STXBP5L: variants seen among roughly 807,000 people sequenced by gnomAD.
The protein encoded by STXBP5L is syntaxin binding protein 5L.
STXBP5L carries 65 observed loss-of-function variants against 144.5 expected under a neutral mutation model. The ratio of observed to expected loss-of-function variants is 0.45; its 90% CI spans 0.37 to 0.55. STXBP5L has a LOEUF of 0.55. Among genes scored for constraint, STXBP5L ranks in the 20% least tolerant of loss-of-function variants. The pLI, the probability that STXBP5L is intolerant of heterozygous loss-of-function variation, is 0.00. For missense variants in STXBP5L, 1,298 were observed against 1,405.5 expected (o/e 0.92, Z 1.22); for synonymous variants, 505 against 469.6 (o/e 1.08, Z -0.97).
In STXBP5L at chr3:120,909,596, C is replaced by T. The variant is rs753025510; in HGVS notation, c.18C>T (p.Phe6=). ...TGTTTAAAATGAAGAAGTTTAATTT[C>T]CGAAAAGTTTTGGATGGCTTAACTG... The part of the protein sequence containing the change: MKKFN[F]RKVLDGLTAS... Residue 6 remains phenylalanine, a synonymous_variant, in exon 2 of 27, where the codon TTC becomes TTT. Transcript: ENST00000471454. 5.6e-6 allele frequency: 9 copies of T among 1,612,464 alleles called. No homozygotes were observed. The African/African-American group carries it at 1.2e-4, about 22-fold the overall frequency.
At chr3:121,309,636 C>T (rs2043458664) in intron 19 of STXBP5L, among the ~76,000 whole-genome samples, 1 of 151,958 alleles carries the variant, frequency 6.6e-6, no homozygotes, top group Non-Finnish European at 1.5e-5. Context: ...ATGTAGAAGA[C>T]CTCGATACCA....
chr3:121,308,741 A>G (rs1325823235), intron 19 of STXBP5L, among the ~76,000 whole-genome samples: 2 of 152,150 alleles, frequency 1.3e-5, no homozygotes, highest in Admixed American at 6.5e-5. Context: ...TTATAAATAT[A>G]TGCTTGTTCT....
At chr3:121,201,529 TA>T (rs2048138520) in intron 9 of STXBP5L, among the ~76,000 whole-genome samples, 1 of 152,218 alleles carries the variant, frequency 6.6e-6, no homozygotes, top group South Asian at 2.1e-4. Flanking sequence ...TTAATATTGT[TA>T]TGTGTGAATT....
intron 3 of STXBP5L, among the ~76,000 whole-genome samples, chr3:121,029,494 C>T (rs1411269084): frequency 6.6e-6 from 1 of 152,096 alleles, no homozygotes; most frequent in East Asian, 1.9e-4. Flanking sequence ...AAAAGTGAAA[C>T]TGGACCCTTT....
chr3:120,974,968 G>T (rs28820921), intron 3 of STXBP5L, among the ~76,000 whole-genome samples: 1 of 151,920 alleles, frequency 6.6e-6, no homozygotes, highest in South Asian at 2.1e-4. Context: ...GTTTGAAGTC[G>T]GGTAGCGTGA....
At chr3:120,909,441 A>G in intron 1 of STXBP5L, 130 bp from the exon 2 acceptor site, 2 of 758,708 alleles carry the variant, frequency 2.6e-6, no homozygotes, top group Non-Finnish European at 4.0e-6. Flanking sequence ...CTTTTTTTCC[A>G]GTCGGTCGTA....
intron 3 of STXBP5L, among the ~76,000 whole-genome samples, chr3:120,976,180 C>G (rs973164383): frequency 2.5e-4 from 38 of 151,992 alleles, no homozygotes; most frequent in African/African-American, 8.9e-4. Context: ...GTCCTGGACT[C>G]TTTTTGGTTG....
At chr3:121,050,403 G>A (rs1947876087) in intron 5 of STXBP5L, among the ~76,000 whole-genome samples, 1 of 151,910 alleles carries the variant, frequency 6.6e-6, no homozygotes, top group South Asian at 2.1e-4. Flanking sequence ...GTAAAGAGTT[G>A]TTCAGAAGAG....
intron 3 of STXBP5L, among the ~76,000 whole-genome samples, chr3:120,972,056 A>G (rs1420146534): frequency 6.6e-6 from 1 of 151,770 alleles, no homozygotes; most frequent in Non-Finnish European, 1.5e-5. Flanking sequence ...GGCTATTGGG[A>G]CATTTTTTTG....
At chr3:121,403,761 CTTAT>C (rs2046936590) in intron 22 of STXBP5L, among the ~76,000 whole-genome samples, 1 of 152,216 alleles carries the variant, frequency 6.6e-6, no homozygotes, top group African/African-American at 2.4e-5. Flanking sequence ...CAGGAAACAT[CTTAT>C]TTGACATATC....
At position 121,107,314 on chromosome 3, in the gene STXBP5L, G is replaced by A. The variant is rs201704214; in HGVS notation, c.471-7611G>A. Among the ~76,000 whole-genome samples, 4 of 152,162 alleles carry A rather than the reference G, an allele frequency of 2.6e-5. No individual in the cohort carries two copies. In the East Asian group the frequency reaches 7.7e-4, roughly 29 times the overall value. On this transcript the variant is annotated intron_variant, in intron 5 of 26. Transcript: ENST00000471454. ...CCGTGCCTATGTCCTGAATGGTATT[G>A]CCTAGATTTTCTTCCAGAGTTTTTA...
At chr3:120,965,446 TGAG>T (rs1012684470) in intron 3 of STXBP5L, among the ~76,000 whole-genome samples, 1 of 152,210 alleles carries the variant, frequency 6.6e-6, no homozygotes, top group African/African-American at 2.4e-5. Context: ...AGTGCTTCCT[TGAG>T]GAGCTCTTTT....
At chr3:121,200,606 G>C (rs1038166580) in intron 9 of STXBP5L, among the ~76,000 whole-genome samples, 1 of 152,114 alleles carries the variant, frequency 6.6e-6, no homozygotes, top group African/African-American at 2.4e-5. Context: ...GCTTTCTGAT[G>C]TGAGCATTTA....
intron 10 of STXBP5L, among the ~76,000 whole-genome samples, chr3:121,217,216 TGCC>T (rs1396969212): frequency 1.3e-5 from 2 of 152,130 alleles, no homozygotes; most frequent in Non-Finnish European, 2.9e-5. Context: ...GCATTCCAGG[TGCC>T]AGCGAGGTAT....
At chr3:120,924,429 A>G (rs1709505603) in intron 2 of STXBP5L, among the ~76,000 whole-genome samples, 1 of 152,206 alleles carries the variant, frequency 6.6e-6, no homozygotes, top group African/African-American at 2.4e-5. Flanking sequence ...AAACAATCTA[A>G]GGAATTAGAT....
At chr3:121,006,262 A>T (rs1944292938) in intron 3 of STXBP5L, among the ~76,000 whole-genome samples, 1 of 152,122 alleles carries the variant, frequency 6.6e-6, no homozygotes, top group Admixed American at 6.5e-5. Context: ...TATATTTAGG[A>T]TAGTTAGCTC....
chr3:121,118,438 A>T (rs2044322469), intron 6 of STXBP5L, among the ~76,000 whole-genome samples: 1 of 151,714 alleles, frequency 6.6e-6, no homozygotes, highest in Non-Finnish European at 1.5e-5. Flanking sequence ...CTGTGCCCAG[A>T]AATTTTAAGT....
chr3:121,022,020 G>A (rs1327431400), intron 3 of STXBP5L, among the ~76,000 whole-genome samples: 2 of 152,012 alleles, frequency 1.3e-5, no homozygotes, highest in Admixed American at 6.6e-5. Context: ...TAGGCCATTA[G>A]CAAGATTAAC....
chr3:120,948,743 T>C (rs938956924), intron 2 of STXBP5L, among the ~76,000 whole-genome samples: 2 of 152,018 alleles, frequency 1.3e-5, no homozygotes, highest in African/African-American at 4.8e-5. Context: ...TTCATTCCTT[T>C]TTATGACAGA....
Sources: allele counts gnomAD v4.1 joint callset (sites outside exome capture counted in the v4.1 genomes callset), GRCh38; gene constraint gnomAD v4.1.1; transcripts MANE v1.5; gene names NCBI Gene and HGNC (gene_info 2026-07-23, HGNC 2026-07-21).